ATG7: variants seen among roughly 807,000 people sequenced by gnomAD.
ATG7 encodes autophagy related 7.
In ATG7, 70 loss-of-function variants were observed where a neutral mutation model predicts 82.4. That is an observed-to-expected ratio of 0.85 (90% CI 0.70 to 1.04). The LOEUF (loss-of-function observed/expected upper bound fraction) is 1.04, where lower values mean the gene tolerates loss of function less well. ATG7 is among the 50% of genes least tolerant of loss of function. The probability of loss-of-function intolerance (pLI) is 0.00; values close to 1 mark genes in which losing one functional copy is unlikely to be tolerated. For synonymous variants in ATG7, 287 were observed against 313.0 expected (o/e 0.92, Z 0.88); for missense variants, 792 against 864.3 (o/e 0.92, Z 1.05).
At chr3:11,541,025 A>G (rs531003634) in intron 20 of ATG7, among the ~76,000 whole-genome samples, 35 of 150,912 alleles carry the variant, frequency 2.3e-4, no homozygotes, top group Non-Finnish European at 3.8e-4. Context: ...TCAGCCTCCC[A>G]AGTAGCTGGG....
chr3:11,559,489 C>T, downstream of ATG7: 1 of 1,523,468 alleles, frequency 6.6e-7, no homozygotes, highest in Non-Finnish European at 8.8e-7. Flanking sequence ...ATGTGGAGAC[C>T]AGCTTCAGTA....
At chr3:11,287,679 T>C (rs1944313880) in intron 3 of ATG7, among the ~76,000 whole-genome samples, 1 of 152,222 alleles carries the variant, frequency 6.6e-6, no homozygotes, top group Admixed American at 6.5e-5. Context: ...TGCTGAGAGA[T>C]GTGTGAATGT....
chr3:11,336,767 G>A (rs1952567488), intron 11 of ATG7, among the ~76,000 whole-genome samples: 1 of 152,034 alleles, frequency 6.6e-6, no homozygotes, highest in African/African-American at 2.4e-5. Flanking sequence ...TGACCTCCCA[G>A]GCTCAAACCA....
intron 20 of ATG7, among the ~76,000 whole-genome samples, chr3:11,441,102 G>T (rs1461874475): frequency 6.6e-6 from 1 of 152,170 alleles, no homozygotes; most frequent in Admixed American, 6.5e-5. Flanking sequence ...GTAAACTGCT[G>T]TGGGATATTT....
intron 20 of ATG7, among the ~76,000 whole-genome samples, chr3:11,520,791 A>T (rs912832489): frequency 6.6e-6 from 1 of 152,168 alleles, no homozygotes; most frequent in Non-Finnish European, 1.5e-5. Context: ...TTTCTTCATT[A>T]TGTCAGCATT....
chr3:11,479,626 G>A lies in ATG7; in HGVS notation c.2079+52700G>A, dbSNP rs369164996. 4.6e-5 allele frequency among the ~76,000 whole-genome samples: 7 copies of A among 152,136 alleles called. No individual in the cohort carries two copies. The South Asian group carries it at 1.5e-3, about 32-fold the overall frequency. On this transcript the variant is annotated intron_variant, in intron 20 of 20. Transcript: ENST00000693202. ...ATGTTTTCTAAAAAGGAAAGGAAAA[G>A]CTATTGGATAGCAATTGTCAAGAGT... is the stretch of plus-strand genomic sequence containing the variant.
At chr3:11,342,066 C>T in intron 12 of ATG7, 69 bp from the exon 13 acceptor site, 1 of 1,472,414 alleles carries the variant, frequency 6.8e-7, no homozygotes, top group Non-Finnish European at 9.1e-7. Flanking sequence ...TGCATAGCCA[C>T]TTGAAATCTT....
downstream of ATG7, chr3:11,558,327 G>T: frequency 1.5e-6 from 1 of 683,632 alleles, no homozygotes; most frequent in Non-Finnish European, 2.4e-6. Context: ...TGCTACATTA[G>T]ACAGATGTTC....
chr3:11,307,515 C>T (rs960156278), intron 6 of ATG7, among the ~76,000 whole-genome samples: 1 of 152,246 alleles, frequency 6.6e-6, no homozygotes, highest in Admixed American at 6.5e-5. Flanking sequence ...ATCTGATTTT[C>T]AAGGCCTCTG....
At chr3:11,547,683 C>A (rs1274123068) in intron 20 of ATG7, among the ~76,000 whole-genome samples, 1 of 152,218 alleles carries the variant, frequency 6.6e-6, no homozygotes, top group African/African-American at 2.4e-5. Flanking sequence ...TCAACACTTA[C>A]TATGATCTGG....
At position 11,534,891 on chromosome 3, in the gene ATG7, G is replaced by A. The variant is rs73021346; in HGVS notation, c.2080-19920G>A. On this transcript the variant is annotated intron_variant, in intron 20 of 20. Coordinates refer to ENST00000693202, the MANE Select transcript of ATG7 (RefSeq NM_001349232.2). ...TCAGCCCAATGCGCTTCAGGCCCAC[G>A]TAGGCGCAGCCCTGCTGCGGAGGCG... is the stretch of plus-strand genomic sequence containing the variant. 4.3e-3 allele frequency among the ~76,000 whole-genome samples: 653 copies of A among 152,366 alleles called. 1 individual carries two copies. The highest frequency in any genetic ancestry group is 6.2e-3 in the Non-Finnish European group (423 of 68,026).
In ATG7 at chr3:11,306,794, A is replaced by T. The variant is rs549063525; in HGVS notation, c.216-149A>T. ...TGTTTTTTAGTTCTTGAGTTATGATATTCATCTTTTTCCAAGAAAACATAC... is the reference window on the plus strand; with the variant it reads ...TGTTTTTTAGTTCTTGAGTTATGATTTTCATCTTTTTCCAAGAAAACATAC... On this transcript the variant is annotated intron_variant, in intron 5 of 20. Transcript: ENST00000693202. 5 of 669,432 alleles carry T rather than the reference A, an allele frequency of 7.5e-6. No homozygotes were observed. In the South Asian group the frequency reaches 9.1e-5, roughly 12 times the overall value. 41.5% of individuals were successfully genotyped at this position (669,432 alleles called of 1,614,324 possible). A position where few individuals can be genotyped will look rare whatever the true frequency, so the allele number is the denominator to read the frequency against.
At chr3:11,278,400 T>G (rs149362872) in intron 1 of ATG7, among the ~76,000 whole-genome samples, 1 of 152,274 alleles carries the variant, frequency 6.6e-6, no homozygotes, top group Non-Finnish European at 1.5e-5. Flanking sequence ...CATATTAAAA[T>G]GAAATCTTCG....
chr3:11,495,340 C>T (rs1246891629), intron 20 of ATG7, among the ~76,000 whole-genome samples: 1 of 152,098 alleles, frequency 6.6e-6, no homozygotes, highest in Non-Finnish European at 1.5e-5. Flanking sequence ...TAGTGTACTG[C>T]TAAAGCTTTA....
chr3:11,333,801 G>A (rs989902544), intron 11 of ATG7, among the ~76,000 whole-genome samples: 9 of 148,710 alleles, frequency 6.1e-5, no homozygotes, highest in Non-Finnish European at 1.3e-4. Flanking sequence ...AGGCTAGAGT[G>A]CAGTGGCGTG....
rs57211483 is a variant in ATG7 at position 11,334,953 on chromosome 3, CAAAAAA to C, written c.889+1878_889+1883del. 2.2e-3 allele frequency among the ~76,000 whole-genome samples: 262 copies of C among 119,566 alleles called. 3 individuals carry two copies. The South Asian group carries it at 0.024, about 11-fold the overall frequency. 78.4% of individuals were successfully genotyped at this position (119,566 alleles called of 152,430 possible). ...TGGGTGACAGAGCAAGACTCTGTCT[CAAAAAA>C]AAAAAAAAAAAAAAAAATCTCTTCT... On this transcript the variant is annotated intron_variant, in intron 11 of 20. Transcript: ENST00000693202.
Position 11,439,069 on chromosome 3 carries a change from C to CTTTTTTTTTTTTTTTTTT in ATG7, c.2079+12160_2079+12161insTTTTTTTTTTTTTTTTTT, listed in dbSNP as rs67206280. 1.4e-4 allele frequency among the ~76,000 whole-genome samples: 17 copies of CTTTTTTTTTTTTTTTTTT among 121,974 alleles called. 1 individual carries two copies. Among genetic ancestry groups the CTTTTTTTTTTTTTTTTTT allele is most frequent in the Non-Finnish European group, 2.5e-4 (15 of 61,054 alleles). 80.0% of individuals were successfully genotyped at this position (121,974 alleles called of 152,430 possible). A position where few individuals can be genotyped will look rare whatever the true frequency, so the allele number is the denominator to read the frequency against. ...TATTTTCTTTTTCTTTTCTTTCTTTCTTTTTTTTTTTTTTTTTGAGACAGA... is the reference window on the plus strand; with the variant it reads ...TATTTTCTTTTTCTTTTCTTTCTTTCTTTTTTTTTTTTTTTTTTTTTTTTTTTTTTTTTTTGAGACAGA... On this transcript the variant is annotated intron_variant, in intron 20 of 20. Coordinates refer to ENST00000693202, the MANE Select transcript of ATG7 (RefSeq NM_001349232.2).
chr3:11,423,678 G>T (rs1039565373), intron 19 of ATG7, among the ~76,000 whole-genome samples: 1 of 151,876 alleles, frequency 6.6e-6, no homozygotes, highest in African/African-American at 2.4e-5. Context: ...ATCAGCCTGG[G>T]CTTGACTCTA....
the ATG7 span, among the ~76,000 whole-genome samples, chr3:11,572,133 G>A: frequency 6.6e-6 from 1 of 152,132 alleles, no homozygotes. Flanking sequence ...GAATCTCTGA[G>A]TAAGTGATTG....
Sources: allele counts gnomAD v4.1 joint callset (sites outside exome capture counted in the v4.1 genomes callset), GRCh38; gene constraint gnomAD v4.1.1; transcripts MANE v1.5; gene names NCBI Gene and HGNC (gene_info 2026-07-23, HGNC 2026-07-21).